Variants in RTCB observed in about 807,000 individuals in gnomAD.
RTCB encodes the protein RNA-splicing ligase RTCB.
Under a neutral mutation model 58.2 loss-of-function variants are expected in RTCB, and 32 were observed. That is an observed-to-expected ratio of 0.55 (90% CI 0.41 to 0.74). The LOEUF (loss-of-function observed/expected upper bound fraction) is 0.74. RTCB is among the 30% of genes least tolerant of loss of function. The pLI is 0.00. For missense variants in RTCB, 523 were observed against 639.0 expected, an observed-to-expected ratio of 0.82 and a Z score of 1.96; for synonymous variants, 247 against 218.6, an observed-to-expected ratio of 1.13 and a Z score of -1.15.
intron 7 of RTCB, 65 bp from the exon 8 acceptor site, chr22:32,396,314 T>C (rs1197910541): frequency 2.7e-5 from 40 of 1,487,462 alleles, no homozygotes; most frequent in Non-Finnish European, 3.2e-5. Context: ...TCAGATTTAC[T>C]GCAGAAAGGT....
At chr22:32,404,014 C>A (rs1291517023) in intron 4 of RTCB, among the ~76,000 whole-genome samples, 2 of 152,216 alleles carry the variant, frequency 1.3e-5, no homozygotes, top group Non-Finnish European at 2.9e-5. Flanking sequence ...GATTCCCTGT[C>A]TTTTCCCTTC....
chr22:32,404,207 C>G (rs947675250), intron 4 of RTCB, among the ~76,000 whole-genome samples: 5 of 152,118 alleles, frequency 3.3e-5, no homozygotes, highest in African/African-American at 1.2e-4. Flanking sequence ...TATGGTAGTT[C>G]TATTTTCGAT....
intron 4 of RTCB, among the ~76,000 whole-genome samples, chr22:32,405,907 C>T (rs1601430753): frequency 6.6e-6 from 1 of 152,240 alleles, no homozygotes; most frequent in East Asian, 1.9e-4. Context: ...AAGGCGTATG[C>T]AACCTTCTGT....
At chr22:32,401,995 T>C (rs1414567674) in intron 4 of RTCB, 92 bp from the exon 5 acceptor site, 19 of 1,278,910 alleles carry the variant, frequency 1.5e-5, no homozygotes, top group Non-Finnish European at 2.1e-5. Context: ...AAGATACCCA[T>C]TCTTTTAAAG....
chr22:32,403,073 T>C (rs554174552), intron 4 of RTCB, among the ~76,000 whole-genome samples: 2 of 152,190 alleles, frequency 1.3e-5, no homozygotes, highest in South Asian at 4.1e-4. Flanking sequence ...CATTTTCTCC[T>C]CAGCTTGAGA....
At chr22:32,409,699 C>T (rs1933486548) in intron 1 of RTCB, among the ~76,000 whole-genome samples, 1 of 152,136 alleles carries the variant, frequency 6.6e-6, no homozygotes, top group South Asian at 2.1e-4. Context: ...TATTAATTCA[C>T]CAAACATTAA....
At chr22:32,403,223 AG>A (rs1933366724) in intron 4 of RTCB, among the ~76,000 whole-genome samples, 1 of 152,126 alleles carries the variant, frequency 6.6e-6, no homozygotes, top group East Asian at 1.9e-4. Flanking sequence ...TGGCTAACGC[AG>A]TGAAACCCCG....
At chr22:32,395,453 C>T (rs1433677033) in intron 8 of RTCB, among the ~76,000 whole-genome samples, 4 of 152,194 alleles carry the variant, frequency 2.6e-5, no homozygotes, top group African/African-American at 9.7e-5. Flanking sequence ...AACTTTTGAT[C>T]CCACCTTTCA....
chr22:32,409,710 C>G lies in RTCB; in HGVS notation c.94-877G>C, dbSNP rs373154949. On this transcript the variant is annotated intron_variant, in intron 1 of 11. Transcript: ENST00000216038. ...CATTTATTAATTCACCAAACATTAA[C>G]TGAGGATTTACTATGCATGAAGCAC... Among the ~76,000 whole-genome samples the G allele has an allele frequency of 4.1e-4, 62 of 152,224 alleles. 1 individual carries two copies. In the East Asian group the frequency reaches 0.011, roughly 27 times the overall value.
Position 32,412,181 on chromosome 22 carries a change from TC to T in RTCB, c.-26del. 1.3e-6 allele frequency: 2 copies of T among 1,561,624 alleles called. No individual in the cohort carries two copies. ...TGGTGGCGAAAACTGTAGCAAAAAC[TC>T]CCGGCTCCGCTTTGAAGAGCCGCTG... On this transcript the variant is annotated 5_prime_UTR_variant, in exon 1 of 12. Coordinates refer to ENST00000216038, the MANE Select transcript of RTCB (RefSeq NM_014306.5).
intron 4 of RTCB, among the ~76,000 whole-genome samples, chr22:32,402,907 A>G (rs1601429299): frequency 2.0e-5 from 3 of 151,864 alleles, no homozygotes; most frequent in Middle Eastern, 6.8e-3. Flanking sequence ...ACCAGGCCTG[A>G]TTAACTTTTG....
chr22:32,411,520 G>A (rs1476875085), intron 1 of RTCB, among the ~76,000 whole-genome samples: 1 of 152,180 alleles, frequency 6.6e-6, no homozygotes, highest in Admixed American at 6.5e-5. Flanking sequence ...TCTGTGAAGT[G>A]AATATTAAAA....
At chr22:32,396,538 T>C (rs1601426258) in intron 7 of RTCB, among the ~76,000 whole-genome samples, 1 of 152,372 alleles carries the variant, frequency 6.6e-6, no homozygotes, top group East Asian at 1.9e-4. Flanking sequence ...TGGTCTTCAT[T>C]ACTCCTTTCT....
chr22:32,394,492 G>A (rs1933211250), intron 9 of RTCB, among the ~76,000 whole-genome samples: 1 of 152,150 alleles, frequency 6.6e-6, no homozygotes, highest in Non-Finnish European at 1.5e-5. Flanking sequence ...CGGAGGGGAA[G>A]GAAGAGGACG....
At chr22:32,408,861 G>T in intron 1 of RTCB, 28 bp from the exon 2 acceptor site, 1 of 1,529,358 alleles carries the variant, frequency 6.5e-7, no homozygotes, top group Non-Finnish European at 9.1e-7. Context: ...GAAAAGCAAT[G>T]TCTGAGTACA....
At chr22:32,392,431 A>G in intron 10 of RTCB, 72 bp from the exon 11 acceptor site, 1 of 1,591,038 alleles carries the variant, frequency 6.3e-7, no homozygotes, top group South Asian at 1.1e-5. Flanking sequence ...TTTCTCTCAC[A>G]CTAAAAAGGA....
chr22:32,412,216 T>G lies in RTCB; in HGVS notation c.-60A>C. On this transcript the variant is annotated 5_prime_UTR_variant, in exon 1 of 12. Coordinates refer to ENST00000216038, the MANE Select transcript of RTCB (RefSeq NM_014306.5). ...GCTTTGAAGAGCCGCTGCCGCGTAGTCCGGCTTCTCAGAGCACCGCCTTCC... is the reference window on the plus strand; with the variant it reads ...GCTTTGAAGAGCCGCTGCCGCGTAGGCCGGCTTCTCAGAGCACCGCCTTCC... 7.1e-7 allele frequency: 1 copy of G among 1,415,418 alleles called. No homozygotes were observed. The highest frequency in any genetic ancestry group is 9.7e-7 in the Non-Finnish European group (1 of 1,028,508). The allele number at this position is 1,415,418 out of a possible 1,614,324, so 87.7% of individuals were successfully genotyped here.
Position 32,393,973 on chromosome 22 carries a change from G to T in RTCB, c.1209C>A (p.Gly403=). 6.2e-7 allele frequency: 1 copy of T among 1,613,852 alleles called. No individual in the cohort carries two copies. The highest frequency in any genetic ancestry group is 8.5e-7 in the Non-Finnish European group (1 of 1,179,724). The part of the protein sequence containing the change: ...QLTGQPVLIG[G]TMGTCSYVLT... ...GAACATAACTACAGGTTCCCATGGTGCCACCAATGAGCACTGGCTGTCCAG... is the reference window on the plus strand; with the variant it reads ...GAACATAACTACAGGTTCCCATGGTTCCACCAATGAGCACTGGCTGTCCAG... The change falls in exon 10 of 12, where the codon GGC becomes GGA. Residue 403 remains glycine (G), a synonymous_variant. Transcript: ENST00000216038.
At chr22:32,411,297 A>C (rs1375151420) in intron 1 of RTCB, among the ~76,000 whole-genome samples, 2 of 152,206 alleles carry the variant, frequency 1.3e-5, no homozygotes, top group African/African-American at 4.8e-5. Flanking sequence ...AAACTTCATA[A>C]ACGTTTTCTT....
Sources: allele counts gnomAD v4.1 joint callset (sites outside exome capture counted in the v4.1 genomes callset), GRCh38; gene constraint gnomAD v4.1.1; transcripts MANE v1.5; gene names NCBI Gene and HGNC (gene_info 2026-07-23, HGNC 2026-07-21).